The following APTX variants were observed in gnomAD, a reference collection of about 807,000 sequenced individuals.
APTX encodes aprataxin.
A neutral mutation model predicts 42.3 loss-of-function variants in APTX; 33 were observed. The ratio of observed to expected loss-of-function variants is 0.78; its 90% confidence interval spans 0.59 to 1.04. APTX has a LOEUF of 1.04. Ranked by LOEUF, APTX falls within the 50% of genes least tolerant of loss-of-function variation. The probability of loss-of-function intolerance (pLI) is 0.00; values close to 1 mark genes in which losing one functional copy is unlikely to be tolerated. For missense variants in APTX, 421 were observed against 415.1 expected (o/e 1.01, Z -0.12); for synonymous variants, 130 against 146.7 (o/e 0.89, Z 0.82).
chr9:33,017,928 GCC>G lies in APTX; in HGVS notation c.-5+7093_-5+7094del, dbSNP rs59841021. Among the ~76,000 whole-genome samples, 401 of 70,790 alleles carry G rather than the reference GCC, an allele frequency of 5.7e-3. 1 individual carries two copies. The highest frequency in any genetic ancestry group is 0.015 in the East Asian group (42 of 2,784). 46.4% of individuals were successfully genotyped at this position (70,790 alleles called of 152,430 possible). On this transcript the variant is annotated intron_variant, in intron 1 of 6. Coordinates refer to the APTX transcript ENST00000436040. The stretch of plus-strand genomic sequence containing the variant: ...TTGGTTAGTTGCCCTAGCAACCAGC[GCC>G]CCCCCCCCCCTCCCATTTTCGGGCT...
intron 7 of APTX, 49 bp from the exon 8 acceptor site, chr9:32,973,701 T>C (rs778640858): frequency 4.0e-6 from 6 of 1,516,844 alleles, no homozygotes; most frequent in Admixed American, 2.0e-5. Context: ...GGAAAACCAA[T>C]ATGAGATACC....
intron 1 of APTX, among the ~76,000 whole-genome samples, chr9:33,009,645 G>A (rs1837397764): frequency 6.6e-6 from 1 of 152,008 alleles, no homozygotes; most frequent in Non-Finnish European, 1.5e-5. Flanking sequence ...CGGGCACGGT[G>A]GTATGTGCCC....
chr9:32,990,076 C>T (rs577863535), intron 1 of APTX, 181 bp from the exon 2 acceptor site: 1 of 702,098 alleles, frequency 1.4e-6, no homozygotes, highest in East Asian at 2.7e-5. Flanking sequence ...ACTCAGGAGG[C>T]TGTTGTGAAA....
At position 32,987,668 on chromosome 9, in the gene APTX, T is replaced by C. The variant is rs955636981; in HGVS notation, c.359A>G (p.Asn120Ser). 34 of 1,614,096 alleles carry C rather than the reference T, an allele frequency of 2.1e-5. No individual in the cohort carries two copies. Among genetic ancestry groups the C allele is most frequent in the Non-Finnish European group, 2.6e-5 (31 of 1,180,044 alleles). The change falls in exon 4 of 8, where the codon AAC (asparagine) becomes AGC (serine). Residue 120 changes from asparagine to serine, a missense_variant. Asn to Ser is a conservative substitution (Grantham distance 46, BLOSUM62 1). Transcript: ENST00000379817. ...ETHRKRKRSG[N>S]SDSIERDAAQ... ...AGCATCCCTTTCTATAGAATCACTGTTGCCTGATCTCTTTCTCTTCCTGTG... is the reference window on the plus strand; with the variant it reads ...AGCATCCCTTTCTATAGAATCACTGCTGCCTGATCTCTTTCTCTTCCTGTG...
chr9:32,976,233 G>T (rs891378032), intron 6 of APTX, among the ~76,000 whole-genome samples: 3 of 150,544 alleles, frequency 2.0e-5, no homozygotes, highest in African/African-American at 7.3e-5. Context: ...TGTCAGGGGG[G>T]TGGGGGGCTC....
At chr9:33,019,900 G>A (rs1359349819) in intron 1 of APTX, 2 of 569,250 alleles carry the variant, frequency 3.5e-6, no homozygotes, top group Admixed American at 5.8e-5. Flanking sequence ...GGGACCCATG[G>A]GCAATTTCCA....
chr9:32,985,682 C>G (rs979724406), intron 5 of APTX, among the ~76,000 whole-genome samples: 12 of 151,996 alleles, frequency 7.9e-5, no homozygotes, highest in Admixed American at 6.5e-4. Flanking sequence ...TGATGCTCCC[C>G]TGAAAGGAAC....
Position 33,001,549 on chromosome 9 carries a change from G to T in APTX, c.-5+18C>A, listed in dbSNP as rs777090343. 3.1e-6 allele frequency: 5 copies of T among 1,613,612 alleles called. No individual in the cohort carries two copies. The highest frequency in any genetic ancestry group is 1.7e-6 in the Non-Finnish European group (2 of 1,180,030). On this transcript the variant is annotated intron_variant, in intron 1 of 7. Transcript: ENST00000379817. ...TTGAGCCCAGCCAGCAGAAGAGATA[G>T]GCTGACGACCGCCTTACCTCCAGAA...
intron 1 of APTX, 66 bp downstream of exon 1, chr9:33,001,501 C>T (rs1836488004): frequency 1.2e-6 from 2 of 1,610,390 alleles, no homozygotes; most frequent in East Asian, 4.5e-5. Flanking sequence ...GGAGCAGCCT[C>T]GGCCGAACGC....
intron 1 of APTX, among the ~76,000 whole-genome samples, chr9:32,993,885 C>T (rs12380732): frequency 0.071 from 10,737 of 152,010 alleles, 513 homozygotes; most frequent in Non-Finnish European, 0.11. Flanking sequence ...CACCTGACTA[C>T]TTTTTGTATT....
intron 6 of APTX, among the ~76,000 whole-genome samples, chr9:32,981,434 G>A (rs1047417985): frequency 6.6e-6 from 1 of 152,152 alleles, no homozygotes; most frequent in African/African-American, 2.4e-5. Flanking sequence ...GTGTGTGTGT[G>A]TGTATGGCTT....
At position 33,012,783 on chromosome 9, in the gene APTX, T is replaced by C. The variant is rs999531234; in HGVS notation, c.-5+12240A>G. On this transcript the variant is annotated intron_variant, in intron 1 of 6. Transcript: ENST00000436040. ...AATGATTGCTACCTTAAGTCACCAA[T>C]TTTGAGGGCAGCTTGCTAAACAGCA... Among the ~76,000 whole-genome samples the C allele has an allele frequency of 1.3e-5, 2 of 152,294 alleles. 1 individual carries two copies. Among genetic ancestry groups the C allele is most frequent in the Non-Finnish European group, 2.9e-5 (2 of 68,024 alleles).
intron 4 of APTX, 28 bp from the exon 5 acceptor site, chr9:32,986,058 A>G (rs558109649): frequency 7.8e-6 from 9 of 1,159,364 alleles, no homozygotes; most frequent in Admixed American, 4.5e-5. Flanking sequence ...AAAAAAACAA[A>G]AAAAAAAAAA....
At chr9:32,998,420 T>G (rs1444156130) in intron 1 of APTX, among the ~76,000 whole-genome samples, 2 of 152,180 alleles carry the variant, frequency 1.3e-5, no homozygotes, top group Admixed American at 1.3e-4. Context: ...CACATCCACA[T>G]GTATGTTTAT....
At position 32,974,515 on chromosome 9, in the gene APTX, G is replaced by A. The variant is rs759617199; in HGVS notation, c.817C>T (p.Leu273Phe). Residue 273 changes from leucine (L) to phenylalanine (F), a missense_variant, in exon 7 of 8, where the codon CTT becomes TTT. Coordinates refer to ENST00000379817, the MANE Select transcript of APTX (RefSeq NM_001195248.2). ...GAATTCCAATGTTTTTTGTTTTTAA[G>A]GCAAGGAGAATCAAAATCCTGGCTG... ...VISQDFDSPC[L>F]KNKKHWNSFN... 1.9e-6 allele frequency: 3 copies of A among 1,612,200 alleles called. No individual in the cohort carries two copies. The highest frequency in any genetic ancestry group is 1.1e-5 in the South Asian group (1 of 91,044).
upstream of APTX, chr9:33,001,790 TGCCTGTGGGGACCA>T (rs999778403): frequency 3.9e-5 from 29 of 735,718 alleles, no homozygotes; most frequent in African/African-American, 4.6e-4. Flanking sequence ...CTGGAAGTTA[TGCCTGTGGGGACCA>T]GCTCTCTCAG....
intron 1 of APTX, among the ~76,000 whole-genome samples, chr9:33,020,684 T>C (rs1301010613): frequency 1.3e-5 from 2 of 152,216 alleles, no homozygotes; most frequent in African/African-American, 4.8e-5. Flanking sequence ...ACAGGTTATA[T>C]CACCCCATCC....
chr9:33,019,834 GC>G (rs1284407393), intron 1 of APTX: 2 of 643,016 alleles, frequency 3.1e-6, no homozygotes, highest in African/African-American at 3.8e-5. Context: ...GGATCCTGCC[GC>G]TCACTGTGAG....
In APTX at chr9:33,012,184, A is replaced by G. The variant is rs529794264; in HGVS notation, c.-5+12839T>C. Among the ~76,000 whole-genome samples, 32 of 152,180 alleles carry G rather than the reference A, an allele frequency of 2.1e-4. 1 individual carries two copies. Among genetic ancestry groups the G allele is most frequent in the Non-Finnish European group, 5.9e-5 (4 of 68,024 alleles). On this transcript the variant is annotated intron_variant, in intron 1 of 6. Coordinates refer to the APTX transcript ENST00000436040. ...TCCTAAATTATGAGGCCTGTAACAA[A>G]AATTTTAACCACCCTCCAAAGGGCT...
Sources: allele counts gnomAD v4.1 joint callset (sites outside exome capture counted in the v4.1 genomes callset), GRCh38; gene constraint gnomAD v4.1.1; transcripts MANE v1.5; gene names NCBI Gene and HGNC (gene_info 2026-07-23, HGNC 2026-07-21).